Variants in SPIDR observed in about 807,000 individuals in gnomAD.
The protein encoded by SPIDR is DNA repair-scaffolding protein.
In SPIDR, 93 loss-of-function variants were observed where a neutral mutation model predicts 104.6. The ratio of observed to expected loss-of-function variants is 0.89; its 90% CI spans 0.75 to 1.06. SPIDR has a LOEUF of 1.06. Ranked by LOEUF, SPIDR falls within the 50% of genes least tolerant of loss-of-function variation. The pLI is 0.00. For missense variants in SPIDR, 1,154 were observed against 1,111.2 expected (o/e 1.04, Z -0.55); for synonymous variants, 431 against 416.9 (o/e 1.03, Z -0.41).
At chr8:47,331,835 A>G (rs2048717940) in intron 5 of SPIDR, among the ~76,000 whole-genome samples, 1 of 151,926 alleles carries the variant, frequency 6.6e-6, no homozygotes, top group Admixed American at 6.6e-5. Flanking sequence ...TAAAACATAA[A>G]CATATTGTTC....
intron 8 of SPIDR, among the ~76,000 whole-genome samples, chr8:47,552,738 T>C (rs2090732229): frequency 6.6e-6 from 1 of 152,244 alleles, no homozygotes; most frequent in Non-Finnish European, 1.5e-5. Flanking sequence ...TGTCTTTTAA[T>C]TGGAGCATTT....
At chr8:47,316,507 G>A (rs587759537) in intron 5 of SPIDR, among the ~76,000 whole-genome samples, 3 of 152,234 alleles carry the variant, frequency 2.0e-5, no homozygotes, top group African/African-American at 7.2e-5. Context: ...AGTCATAAAT[G>A]GAATACAACT....
chr8:47,303,813 A>G (rs1011702438), intron 5 of SPIDR, among the ~76,000 whole-genome samples: 1 of 152,072 alleles, frequency 6.6e-6, no homozygotes, highest in Non-Finnish European at 1.5e-5. Flanking sequence ...GGTAGCTTGG[A>G]TTACAGGCGC....
At position 47,404,341 on chromosome 8, in the gene SPIDR, T is replaced by C. The variant is rs571736350; in HGVS notation, c.777-3520T>C. On this transcript the variant is annotated intron_variant, in intron 6 of 19. Transcript: ENST00000297423. ...AAAGCAATGGCAACAAAAGCCAAAA[T>C]TGACAAGTGGGATCTAATTAAACTA... Among the ~76,000 whole-genome samples the C allele has an allele frequency of 2.0e-5, 3 of 152,252 alleles. No individual in the cohort carries two copies. In the East Asian group the frequency reaches 5.8e-4, roughly 29 times the overall value.
chr8:47,704,927 G>C (rs1029728591), intron 14 of SPIDR, among the ~76,000 whole-genome samples: 10 of 152,312 alleles, frequency 6.6e-5, no homozygotes, highest in Admixed American at 3.3e-4. Context: ...TGCCTACCTT[G>C]AGAGGGGTCA....
At chr8:47,530,200 G>A (rs1424887517) in intron 8 of SPIDR, among the ~76,000 whole-genome samples, 3 of 152,142 alleles carry the variant, frequency 2.0e-5, no homozygotes, top group Non-Finnish European at 4.4e-5. Context: ...AAATGCAGTG[G>A]CTCATGTCTG....
chr8:47,434,461 T>C (rs2067916476), intron 7 of SPIDR, among the ~76,000 whole-genome samples: 1 of 152,170 alleles, frequency 6.6e-6, no homozygotes, highest in Non-Finnish European at 1.5e-5. Context: ...AGGCTAGCCT[T>C]TTGGGATATC....
At chr8:47,616,061 A>G (rs753086079) in intron 10 of SPIDR, among the ~76,000 whole-genome samples, 1 of 152,192 alleles carries the variant, frequency 6.6e-6, no homozygotes, top group Non-Finnish European at 1.5e-5. Flanking sequence ...TTTTAGCTGT[A>G]ACAGATTTTT....
intron 8 of SPIDR, among the ~76,000 whole-genome samples, chr8:47,554,023 C>A (rs1214283645): frequency 1.3e-5 from 2 of 152,168 alleles, no homozygotes; most frequent in African/African-American, 4.8e-5. Flanking sequence ...CCACTCCAGA[C>A]CCTATTTGCC....
intron 5 of SPIDR, among the ~76,000 whole-genome samples, chr8:47,350,455 A>G (rs1706869163): frequency 6.6e-6 from 1 of 152,168 alleles, no homozygotes; most frequent in Admixed American, 6.5e-5. Context: ...CTGGGATTAC[A>G]GGCGTGTGCC....
chr8:47,489,942 G>A (rs1440473624), intron 8 of SPIDR, among the ~76,000 whole-genome samples: 5 of 152,138 alleles, frequency 3.3e-5, no homozygotes, highest in African/African-American at 7.2e-5. Context: ...ATAGGCATGG[G>A]CAAGGACTCC....
intron 3 of SPIDR, among the ~76,000 whole-genome samples, chr8:47,285,806 G>T (rs2154230861): frequency 1.3e-5 from 2 of 152,242 alleles, no homozygotes; most frequent in South Asian, 4.2e-4. Flanking sequence ...AGAAGGTTAG[G>T]ACTTCAACAT....
At chr8:47,694,175 T>C (rs2079035307) in intron 11 of SPIDR, among the ~76,000 whole-genome samples, 1 of 152,246 alleles carries the variant, frequency 6.6e-6, no homozygotes, top group South Asian at 2.1e-4. Context: ...AATGGGAATT[T>C]ACCTTTGTAA....
Position 47,636,367 on chromosome 8 carries a change from G to T in SPIDR, c.1544+37171G>T, listed in dbSNP as rs139111737. ...CTATTCCCTGAAACACAACAATATT[G>T]AAATTAGAGAAGTCAGTAAGCCTCC... On this transcript the variant is annotated intron_variant, in intron 10 of 19. Transcript: ENST00000297423. Among the ~76,000 whole-genome samples, 1,103 of 152,228 alleles carry T rather than the reference G, an allele frequency of 7.2e-3. 7 individuals are homozygous for T. The highest frequency in any genetic ancestry group is 0.011 in the Non-Finnish European group (742 of 68,022).
intron 8 of SPIDR, among the ~76,000 whole-genome samples, chr8:47,483,575 A>G (rs2077161704): frequency 6.6e-6 from 1 of 152,170 alleles, no homozygotes; most frequent in Admixed American, 6.6e-5. Flanking sequence ...TCTCTGAGGG[A>G]GGTGACTAAG....
intron 5 of SPIDR, among the ~76,000 whole-genome samples, chr8:47,380,081 C>T (rs1270002994): frequency 6.6e-6 from 1 of 152,190 alleles, no homozygotes; most frequent in Non-Finnish European, 1.5e-5. Context: ...GCCTTGGGTC[C>T]AGGGGCATAA....
At chr8:47,293,696 C>T (rs1457976900) in intron 4 of SPIDR, among the ~76,000 whole-genome samples, 171 bp from the exon 5 acceptor site, 5 of 152,140 alleles carry the variant, frequency 3.3e-5, no homozygotes, top group African/African-American at 1.2e-4. Context: ...ATTCTGCCCA[C>T]CCTGGCCTCC....
chr8:47,439,486 A>G (rs1181162036), intron 7 of SPIDR, among the ~76,000 whole-genome samples: 3 of 152,198 alleles, frequency 2.0e-5, no homozygotes, highest in African/African-American at 7.2e-5. Flanking sequence ...TTGTATGAAC[A>G]CACCATGGTT....
intron 7 of SPIDR, among the ~76,000 whole-genome samples, chr8:47,409,758 G>C (rs1322534024): frequency 2.0e-5 from 3 of 152,110 alleles, no homozygotes; most frequent in Non-Finnish European, 4.4e-5. Context: ...GCCAGGTGTG[G>C]TGGCTCATGC....
Sources: allele counts gnomAD v4.1 joint callset (sites outside exome capture counted in the v4.1 genomes callset), GRCh38; gene constraint gnomAD v4.1.1; transcripts MANE v1.5; gene names NCBI Gene and HGNC (gene_info 2026-07-23, HGNC 2026-07-21).